Variants in CAMTA1 observed in about 807,000 individuals in gnomAD.
CAMTA1 encodes calmodulin binding transcription activator 1.
In CAMTA1, 27 loss-of-function variants were observed where a neutral mutation model predicts 170.9. That is an observed-to-expected ratio of 0.16 (90% CI 0.12 to 0.22). The LOEUF is 0.22. Among genes scored for constraint, CAMTA1 ranks in the 10% least tolerant of loss-of-function variants. The pLI, the probability that CAMTA1 is intolerant of heterozygous loss-of-function variation, is 1.00. For synonymous variants in CAMTA1, 833 were observed against 891.5 expected (o/e 0.93, Z 1.17); for missense variants, 1,619 against 2,217.2 (o/e 0.73, Z 5.42).
chr1:6,801,645 A>C (rs574837625), intron 1 of CAMTA1, among the ~76,000 whole-genome samples: 9 of 152,346 alleles, frequency 5.9e-5, no homozygotes, highest in African/African-American at 2.2e-4. Context: ...AAAGTGGTAA[A>C]TTTTATGTTA....
At chr1:7,489,353 G>C (rs951292791) in intron 6 of CAMTA1, among the ~76,000 whole-genome samples, 4 of 152,220 alleles carry the variant, frequency 2.6e-5, no homozygotes, top group Non-Finnish European at 4.4e-5. Context: ...GCAGGGGAAG[G>C]AAACAGCTGT....
chr1:7,346,100 T>C (rs2149842982), intron 5 of CAMTA1, among the ~76,000 whole-genome samples: 1 of 152,308 alleles, frequency 6.6e-6, no homozygotes, highest in Middle Eastern at 3.4e-3. Context: ...TCACTTTTAG[T>C]GAAGTCAATG....
chr1:6,984,347 T>A (rs1165297362), intron 3 of CAMTA1, among the ~76,000 whole-genome samples: 3 of 152,220 alleles, frequency 2.0e-5, no homozygotes, highest in Non-Finnish European at 2.9e-5. Context: ...GGCAGCACAT[T>A]GCCTGTTGCA....
At chr1:7,422,219 C>T (rs1336558879) in intron 5 of CAMTA1, among the ~76,000 whole-genome samples, 3 of 152,050 alleles carry the variant, frequency 2.0e-5, no homozygotes, top group Non-Finnish European at 4.4e-5. Flanking sequence ...TTTCAAGATG[C>T]CTGGTTTCCA....
At chr1:7,728,589 C>T (rs1436980700) in intron 11 of CAMTA1, among the ~76,000 whole-genome samples, 1 of 152,168 alleles carries the variant, frequency 6.6e-6, no homozygotes, top group African/African-American at 2.4e-5. Flanking sequence ...AAAATTCAGT[C>T]AAGTCATTTC....
chr1:7,357,803 T>C (rs1400668331), intron 5 of CAMTA1, among the ~76,000 whole-genome samples: 1 of 152,154 alleles, frequency 6.6e-6, no homozygotes, highest in Non-Finnish European at 1.5e-5. Context: ...TTCAGGGAAA[T>C]CCCTGGAAAG....
intron 5 of CAMTA1, among the ~76,000 whole-genome samples, chr1:7,280,454 C>G (rs774283202): frequency 5.9e-5 from 9 of 152,248 alleles, no homozygotes; most frequent in Non-Finnish European, 1.2e-4. Context: ...TCTGCAGAAG[C>G]AGCTTGGCTC....
At chr1:7,080,869 T>C (rs1212952142) in intron 3 of CAMTA1, among the ~76,000 whole-genome samples, 2 of 152,234 alleles carry the variant, frequency 1.3e-5, no homozygotes, top group East Asian at 1.9e-4. Flanking sequence ...TGATTACTAA[T>C]GGAGATAAAA....
intron 6 of CAMTA1, among the ~76,000 whole-genome samples, chr1:7,535,484 C>T (rs977521619): frequency 1.3e-5 from 2 of 152,176 alleles, no homozygotes; most frequent in Non-Finnish European, 1.5e-5. Context: ...GGCTCTGGGA[C>T]GTCTGGGCTG....
At chr1:7,406,617 C>A (rs887840034) in intron 5 of CAMTA1, among the ~76,000 whole-genome samples, 1 of 152,194 alleles carries the variant, frequency 6.6e-6, no homozygotes, top group South Asian at 2.1e-4. Context: ...TACACACACA[C>A]ACATGCATGC....
At chr1:7,446,658 G>C (rs549820943) in intron 5 of CAMTA1, among the ~76,000 whole-genome samples, 179 of 152,324 alleles carry the variant, frequency 1.2e-3, no homozygotes, top group African/African-American at 4.0e-3. Flanking sequence ...CCCTCTGTGG[G>C]CGATGAAGAA....
chr1:7,766,614 C>T lies in CAMTA1; in HGVS notation c.*123C>T. On this transcript the variant is annotated 3_prime_UTR_variant, in exon 23 of 23. Transcript: ENST00000303635. The stretch of plus-strand genomic sequence containing the variant: ...ACACGCACACACACACACGTACACA[C>T]ACATACAAAATCCCTCTGCAGTTTT... 1 of 809,330 alleles carries T rather than the reference C, an allele frequency of 1.2e-6. No homozygotes were observed. Among genetic ancestry groups the T allele is most frequent in the Non-Finnish European group, 2.1e-6 (1 of 482,696 alleles). 50.1% of individuals were successfully genotyped at this position (809,330 alleles called of 1,614,324 possible).
intron 6 of CAMTA1, among the ~76,000 whole-genome samples, chr1:7,601,061 G>A (rs1253491248): frequency 2.6e-5 from 4 of 152,212 alleles, no homozygotes; most frequent in South Asian, 4.1e-4. Flanking sequence ...AGGGGCGGCC[G>A]GGCAGAGGTG....
intron 11 of CAMTA1, among the ~76,000 whole-genome samples, chr1:7,711,176 T>G (rs187600196): frequency 6.6e-6 from 1 of 152,270 alleles, no homozygotes; most frequent in Admixed American, 6.5e-5. Flanking sequence ...TCTTGCTGTA[T>G]CCTTACAAGG....
intron 3 of CAMTA1, among the ~76,000 whole-genome samples, chr1:6,853,345 T>C (rs1661133798): frequency 6.6e-6 from 1 of 152,208 alleles, no homozygotes; most frequent in South Asian, 2.1e-4. Flanking sequence ...GGTAAAAATA[T>C]TAATTTACTT....
chr1:7,153,861 G>A (rs1303273774), intron 4 of CAMTA1, among the ~76,000 whole-genome samples: 1 of 152,222 alleles, frequency 6.6e-6, no homozygotes, highest in East Asian at 1.9e-4. Context: ...TTAAAAGGCT[G>A]GATGTGGCCC....
At chr1:6,977,615 C>T (rs1269608467) in intron 3 of CAMTA1, among the ~76,000 whole-genome samples, 4 of 152,334 alleles carry the variant, frequency 2.6e-5, no homozygotes, top group East Asian at 3.9e-4. Context: ...GCTGGGATTA[C>T]AGGCGTGAGC....
In CAMTA1 at chr1:7,500,235, ATGAG is replaced by A. The variant is rs755339623; in HGVS notation, c.510+32341_510+32344del. On this transcript the variant is annotated intron_variant, in intron 6 of 22. Transcript: ENST00000303635. Reference sequence around the variant, plus strand: ...TATGTATATGAGTGTATGTGTGTTCATGAGTGAGTGTGTAGAGAGGATTGTGTGA... The same window carrying A: ...TATGTATATGAGTGTATGTGTGTTCATGAGTGTGTAGAGAGGATTGTGTGA... Among the ~76,000 whole-genome samples, 30 of 77,074 alleles carry A rather than the reference ATGAG, an allele frequency of 3.9e-4. 1 individual carries two copies. Among genetic ancestry groups the A allele is most frequent in the Admixed American group, 3.5e-3 (24 of 6,938 alleles). The allele number at this position is 77,074 out of a possible 152,430, so 50.6% of individuals were successfully genotyped here.
intron 3 of CAMTA1, among the ~76,000 whole-genome samples, chr1:7,035,963 C>T (rs938634726): frequency 6.6e-6 from 1 of 152,036 alleles, no homozygotes; most frequent in Non-Finnish European, 1.5e-5. Context: ...GGGAAAAAAA[C>T]AAGTTGCAAA....
Sources: allele counts gnomAD v4.1 joint callset (sites outside exome capture counted in the v4.1 genomes callset), GRCh38; gene constraint gnomAD v4.1.1; transcripts MANE v1.5; gene names NCBI Gene and HGNC (gene_info 2026-07-23, HGNC 2026-07-21).